Variants in MAP6 observed in about 807,000 individuals in gnomAD.
The protein encoded by MAP6 is microtubule associated protein 6, also known as microtubule-associated protein 6.
MAP6 carries 26 observed loss-of-function variants against 42.4 expected under a neutral mutation model. That is an observed-to-expected ratio of 0.61 (90% confidence interval 0.45 to 0.85). The LOEUF (loss-of-function observed/expected upper bound fraction) is 0.85. Ranked by LOEUF, MAP6 falls within the 40% of genes least tolerant of loss-of-function variation. The pLI is 0.00. For synonymous variants in MAP6, 418 were observed against 443.8 expected (o/e 0.94, Z 0.73); for missense variants, 966 against 1,099.0 (o/e 0.88, Z 1.71).
intron 1 of MAP6, among the ~76,000 whole-genome samples, chr11:75,637,222 CTG>C (rs776500874): frequency 1.3e-5 from 2 of 152,178 alleles, no homozygotes. Flanking sequence ...TGCTGCCAAA[CTG>C]ATGTTTTTCT....
At chr11:75,617,514 CAAAAAAAAAAAAAAAA>C (rs61477947) in intron 1 of MAP6, among the ~76,000 whole-genome samples, 296 of 28,170 alleles carry the variant, frequency 0.011, 6 homozygotes, top group Non-Finnish European at 0.016. Flanking sequence ...AGACTGTCTC[CAAAAAAAAAAAAAAAA>C]AAAAAAAAAA....
rs1402921527 is a variant in MAP6 at position 75,587,775 on chromosome 11, T to C, written c.1726A>G (p.Met576Val). 1.1e-5 allele frequency: 17 copies of C among 1,613,430 alleles called. No homozygotes were observed. The highest frequency in any genetic ancestry group is 9.9e-5 in the South Asian group (9 of 91,046). Residue 576 changes from methionine to valine, a missense_variant, in exon 4 of 4, where the codon ATG becomes GTG. Coordinates refer to ENST00000304771, the MANE Select transcript of MAP6 (RefSeq NM_033063.2). ...TCATCCTTGACAGGTGCTGGGACCA[T>C]AGGAGCTTGATTCTTCACAGGCTCA... ...IPEPVKNQAP[M>V]VPAPVKDEGP...
At chr11:75,602,261 C>T (rs192090009) in intron 3 of MAP6, among the ~76,000 whole-genome samples, 44 of 152,154 alleles carry the variant, frequency 2.9e-4, no homozygotes, top group African/African-American at 9.9e-4. Flanking sequence ...CAGAGCCTTC[C>T]GCAACTCCCC....
intron 1 of MAP6, among the ~76,000 whole-genome samples, chr11:75,641,014 G>A (rs1763440356): frequency 6.6e-6 from 1 of 152,112 alleles, no homozygotes; most frequent in African/African-American, 2.4e-5. Flanking sequence ...AAAACATGCT[G>A]CTATAAAGAC....
chr11:75,588,188 C>T lies in MAP6; in HGVS notation c.1317-4G>A. 1.2e-6 allele frequency: 2 copies of T among 1,608,652 alleles called. No individual in the cohort carries two copies. The highest frequency in any genetic ancestry group is 2.2e-5 in the East Asian group (1 of 44,862). On this transcript the variant is annotated splice_polypyrimidine_tract_variant and splice_region_variant and intron_variant, in intron 3 of 3. Coordinates refer to ENST00000304771, the MANE Select transcript of MAP6 (RefSeq NM_033063.2). ...ACTGACGGGTTGAGCCAGGCTCCTG[C>T]AAAGGAGAGAGAGGTGATCACTGTG...
chr11:75,657,103 A>G, intron 1 of MAP6, among the ~76,000 whole-genome samples: 1 of 150,480 alleles, frequency 6.6e-6, no homozygotes, highest in Admixed American at 6.6e-5. Flanking sequence ...CAATGTGTGG[A>G]GACACTATTT....
chr11:75,627,218 G>A lies in MAP6; in HGVS notation c.906-18896C>T, dbSNP rs569084474. On this transcript the variant is annotated intron_variant, in intron 1 of 3. Transcript: ENST00000304771. The stretch of plus-strand genomic sequence containing the variant: ...GACTTCCCAACAATGGGATTAGCCC[G>A]TCTTTCTGCCCCAGGGAACTCTGTG... Among the ~76,000 whole-genome samples the A allele has an allele frequency of 2.6e-5, 4 of 152,340 alleles. No homozygotes were observed. In the East Asian group the frequency reaches 5.8e-4, roughly 22 times the overall value.
intron 3 of MAP6, among the ~76,000 whole-genome samples, chr11:75,593,089 G>A (rs1193038577): frequency 1.3e-5 from 2 of 152,154 alleles, no homozygotes; most frequent in African/African-American, 2.4e-5. Flanking sequence ...CTAGTCCCTG[G>A]CACTTGCTTT....
rs1943983030 is a variant in MAP6, at chr11:75,667,771, C to G, written c.599G>C (p.Ser200Thr). Reference sequence around the variant, plus strand: ...GGCCTGCACTGGCCAGCGCTCCTGGCTCTGCGGCCGGCGCTTGGGCGCCCC... The same window carrying G: ...GGCCTGCACTGGCCAGCGCTCCTGGGTCTGCGGCCGGCGCTTGGGCGCCCC... ...ILGAPKRRPQ[S>T]QERWPVQAAA... Residue 200 changes from serine (S) to threonine (T), a missense_variant, in exon 1 of 4, where the codon AGC (serine) becomes ACC (threonine). Ser to Thr is a moderately conservative substitution (Grantham distance 58). Coordinates refer to ENST00000304771, the MANE Select transcript of MAP6 (RefSeq NM_033063.2). This position sits in a 1 kb window ranked among gnomAD's most constrained non-coding sequence, Gnocchi z 5.6. The G allele has an allele frequency of 7.6e-7, 1 of 1,307,580 alleles. No individual in the cohort carries two copies. The highest frequency in any genetic ancestry group is 3.1e-5 in the East Asian group (1 of 31,926). The allele number at this position is 1,307,580 out of a possible 1,614,324, so 81.0% of individuals were successfully genotyped here. A position where few individuals can be genotyped will look rare whatever the true frequency, so the allele number is the denominator to read the frequency against.
intron 1 of MAP6, among the ~76,000 whole-genome samples, chr11:75,664,945 T>C (rs1204783401): frequency 1.3e-5 from 2 of 152,328 alleles, no homozygotes; most frequent in South Asian, 2.1e-4. Context: ...AAATTGTTCA[T>C]TGAAGAAATT....
At chr11:75,623,386 C>G (rs752929872) in intron 1 of MAP6, among the ~76,000 whole-genome samples, 5 of 152,144 alleles carry the variant, frequency 3.3e-5, no homozygotes, top group Non-Finnish European at 7.3e-5. Context: ...TTTACTAAAT[C>G]TCATGAAAAT....
At position 75,587,536 on chromosome 11, in the gene MAP6, T is replaced by C. The variant is rs370539168; in HGVS notation, c.1965A>G (p.Thr655=). Residue 655 remains threonine (T), a synonymous_variant, in exon 4 of 4, where the codon ACA becomes ACG. Coordinates refer to ENST00000304771, the MANE Select transcript of MAP6 (RefSeq NM_033063.2). ...TGGAACCTTGATTCTTTATGGGTGCTGTGGCCATGGCACTTTCATCCTTCG... is the reference window on the plus strand; with the variant it reads ...TGGAACCTTGATTCTTTATGGGTGCCGTGGCCATGGCACTTTCATCCTTCG... ...EHPKDESAMA[T]APIKNQGSMV... is the part of the protein sequence containing the mutation. 11 of 1,614,102 alleles carry C rather than the reference T, an allele frequency of 6.8e-6. No individual in the cohort carries two copies. The African/African-American group carries it at 1.5e-4, about 22-fold the overall frequency.
At chr11:75,602,684 C>A (rs1241096515) in intron 3 of MAP6, among the ~76,000 whole-genome samples, 3 of 152,168 alleles carry the variant, frequency 2.0e-5, no homozygotes, top group Non-Finnish European at 4.4e-5. Flanking sequence ...CAAAACTTAG[C>A]TCTGACTGCT....
chr11:75,663,395 T>C (rs1836440329), intron 1 of MAP6, among the ~76,000 whole-genome samples: 1 of 152,120 alleles, frequency 6.6e-6, no homozygotes, highest in South Asian at 2.1e-4. Flanking sequence ...TTGGTGATCA[T>C]TTTCTGAAAA....
intron 1 of MAP6, chr11:75,642,690 CAGA>C (rs376596079): frequency 1.4e-5 from 3 of 218,708 alleles, no homozygotes; most frequent in Admixed American, 4.7e-5. Flanking sequence ...CTTCCACTTT[CAGA>C]AGGTGACCTG....
At chr11:75,626,184 C>T (rs1036970737) in intron 1 of MAP6, among the ~76,000 whole-genome samples, 1 of 152,186 alleles carries the variant, frequency 6.6e-6, no homozygotes, top group Non-Finnish European at 1.5e-5. Context: ...CCCTAGAGGA[C>T]AGGAGCGTAT....
chr11:75,640,766 A>T (rs1943453638), intron 1 of MAP6, among the ~76,000 whole-genome samples: 1 of 152,226 alleles, frequency 6.6e-6, no homozygotes, highest in Admixed American at 6.5e-5. Flanking sequence ...GAGAAATGCA[A>T]ATCAAAACCG....
At position 75,668,386 on chromosome 11, in the gene MAP6, C is replaced by T; in HGVS notation, c.-17G>A. 1.3e-6 allele frequency: 2 copies of T among 1,563,462 alleles called. No individual in the cohort carries two copies. Among genetic ancestry groups the T allele is most frequent in the Non-Finnish European group, 1.7e-6 (2 of 1,162,512 alleles). ...CCACGCCATGATGCTAGCTGAAAAG[C>T]CGGCCTCCTCTTTCTTCTTGTGGTT... On this transcript the variant is annotated 5_prime_UTR_variant, in exon 1 of 4. Transcript: ENST00000304771.
rs563816584 is a variant in MAP6, at chr11:75,622,275, C to T, written c.906-13953G>A. ...TTTTTAATTTAAAGAGACAAGGTCTCACTCTGTCAGCCAGGCTGGAGTGCA... is the reference window on the plus strand; with the variant it reads ...TTTTTAATTTAAAGAGACAAGGTCTTACTCTGTCAGCCAGGCTGGAGTGCA... On this transcript the variant is annotated intron_variant, in intron 1 of 3. Coordinates refer to ENST00000304771, the MANE Select transcript of MAP6 (RefSeq NM_033063.2). 3.3e-5 allele frequency among the ~76,000 whole-genome samples: 5 copies of T among 152,196 alleles called. No homozygotes were observed. The East Asian group carries it at 5.8e-4, about 18-fold the overall frequency.
Sources: gnomAD v4.1 joint callset for allele counts (sites outside exome capture counted in the v4.1 genomes callset) on GRCh38, gnomAD v4.1.1 for gene constraint, Gnocchi (gnomAD v3.1) non-coding constraint, MANE v1.5 for transcripts, NCBI Gene and HGNC (gene_info 2026-07-23, HGNC 2026-07-21) for gene names.